TUSC3: variants seen among roughly 807,000 people sequenced by gnomAD.
TUSC3 encodes tumor suppressor candidate 3.
Under a neutral mutation model 44.8 loss-of-function variants are expected in TUSC3, and 45 were observed. That is an observed-to-expected ratio of 1.00 (90% CI 0.79 to 1.29). The LOEUF (loss-of-function observed/expected upper bound fraction) is 1.29. TUSC3 is among the 50% of genes most tolerant of loss of function. The pLI is 0.00. For missense variants in TUSC3, 519 were observed against 437.9 expected (o/e 1.19, Z -1.65); for synonymous variants, 212 against 152.9 (o/e 1.39, Z -2.85).
chr8:15,655,480 G>A (rs1807116498), intron 3 of TUSC3, among the ~76,000 whole-genome samples: 2 of 152,238 alleles, frequency 1.3e-5, no homozygotes, highest in South Asian at 4.1e-4. Flanking sequence ...AGGGGGAAGA[G>A]ACAAACCCTG....
chr8:15,578,952 C>A (rs1209005268), intron 1 of TUSC3, among the ~76,000 whole-genome samples: 2 of 152,122 alleles, frequency 1.3e-5, no homozygotes, highest in East Asian at 3.9e-4. Context: ...GTCCTGGACT[C>A]TTTTTGGCTG....
intron 1 of TUSC3, among the ~76,000 whole-genome samples, chr8:15,447,264 C>T (rs534969104): frequency 5.3e-5 from 8 of 152,174 alleles, no homozygotes; most frequent in African/African-American, 1.7e-4. Flanking sequence ...AGAAGTCAGT[C>T]GAGCAAGATC....
At chr8:15,591,594 G>A (rs1160149352) in intron 1 of TUSC3, among the ~76,000 whole-genome samples, 1 of 152,200 alleles carries the variant, frequency 6.6e-6, no homozygotes, top group African/African-American at 2.4e-5. Flanking sequence ...ATAAAGTGCT[G>A]TTAAAGGAAA....
intron 2 of TUSC3, among the ~76,000 whole-genome samples, chr8:15,524,081 G>C (rs1233569043): frequency 6.7e-6 from 1 of 150,000 alleles, no homozygotes; most frequent in African/African-American, 2.5e-5. Flanking sequence ...ATAGAAATCA[G>C]AATGTGTTTG....
rs373453234 is a variant in TUSC3 at position 15,576,636 on chromosome 8, C to T, written c.138+36068C>T. ...TTCATCCATGTCCCTACAAAGGACA[C>T]GAACTCATCATTTTTTATGGCTGCA... On this transcript the variant is annotated intron_variant, in intron 1 of 10. Transcript: ENST00000503731. 7.9e-3 allele frequency among the ~76,000 whole-genome samples: 1,109 copies of T among 140,282 alleles called. 8 individuals carry two copies. Among genetic ancestry groups the T allele is most frequent in the African/African-American group, 0.03 (1,031 of 34,590 alleles). 92.0% of individuals were successfully genotyped at this position (140,282 alleles called of 152,430 possible).
the TUSC3 span, among the ~76,000 whole-genome samples, chr8:15,834,842 T>A: frequency 6.6e-6 from 1 of 152,178 alleles, no homozygotes; most frequent in Non-Finnish European, 1.5e-5. Flanking sequence ...ACAGTAAGGT[T>A]TATTTATAAG....
the TUSC3 span, among the ~76,000 whole-genome samples, chr8:15,790,959 G>C: frequency 6.6e-6 from 1 of 152,044 alleles, no homozygotes; most frequent in South Asian, 2.1e-4. Flanking sequence ...AGAGAGGCAT[G>C]GTTCAATTTG....
intron 1 of TUSC3, among the ~76,000 whole-genome samples, chr8:15,422,486 T>G (rs1056250164): frequency 3.9e-5 from 6 of 152,312 alleles, no homozygotes; most frequent in African/African-American, 1.4e-4. Flanking sequence ...AGTTAGAAGA[T>G]ATAAGTTCAA....
intron 6 of TUSC3, among the ~76,000 whole-genome samples, chr8:15,693,414 T>A (rs1287144699): frequency 1.3e-5 from 2 of 149,346 alleles, no homozygotes; most frequent in African/African-American, 4.9e-5. Flanking sequence ...TGAAGTTGGC[T>A]GGATATAAAA....
At chr8:15,496,756 C>T (rs75723994) in intron 2 of TUSC3, among the ~76,000 whole-genome samples, 2,681 of 152,222 alleles carry the variant, frequency 0.018, 86 homozygotes, top group African/African-American at 0.061. Context: ...AGAGCTGGGT[C>T]GTTTTAGCAC....
intron 1 of TUSC3, among the ~76,000 whole-genome samples, chr8:15,472,207 T>C (rs1563259992): frequency 1.3e-5 from 2 of 152,336 alleles, no homozygotes; most frequent in East Asian, 1.9e-4. Context: ...CTTAACTTAA[T>C]GCCTAAAACT....
At chr8:15,809,986 T>C in the TUSC3 span, among the ~76,000 whole-genome samples, 1 of 152,244 alleles carries the variant, frequency 6.6e-6, no homozygotes, top group South Asian at 2.1e-4. Flanking sequence ...TCCAGTTAAA[T>C]AGTTCTGAGA....
At chr8:15,537,834 G>C (rs939517820), upstream of TUSC3, among the ~76,000 whole-genome samples, 1 of 152,122 alleles carries the variant, frequency 6.6e-6, no homozygotes, top group Non-Finnish European at 1.5e-5. Context: ...ATTATGTTGA[G>C]TATATCTAGA....
chr8:15,843,593 CATAT>C, the TUSC3 span, among the ~76,000 whole-genome samples: 21 of 91,110 alleles, frequency 2.3e-4, no homozygotes, highest in South Asian at 1.6e-3. Context: ...ACTTGATGTA[CATAT>C]ATATATATAT....
intron 1 of TUSC3, among the ~76,000 whole-genome samples, chr8:15,598,112 AAGC>A (rs1414080822): frequency 6.6e-6 from 1 of 151,980 alleles, no homozygotes; most frequent in Non-Finnish European, 1.5e-5. Flanking sequence ...ATCTGGTTGA[AAGC>A]AGAGTTTGCA....
intron 5 of TUSC3, among the ~76,000 whole-genome samples, chr8:15,664,869 A>G (rs567993326): frequency 4.6e-5 from 7 of 150,926 alleles, no homozygotes; most frequent in African/African-American, 1.7e-4. Context: ...ATATATAAAT[A>G]TATAAATTGG....
intron 1 of TUSC3, among the ~76,000 whole-genome samples, chr8:15,591,465 A>G (rs976000767): frequency 2.0e-5 from 3 of 152,222 alleles, no homozygotes; most frequent in Non-Finnish European, 2.9e-5. Flanking sequence ...GGCAATGTAC[A>G]AAACTCTGGA....
At chr8:15,761,697 G>A (rs1334022218) in intron 10 of TUSC3, among the ~76,000 whole-genome samples, 1 of 152,132 alleles carries the variant, frequency 6.6e-6, no homozygotes, top group Non-Finnish European at 1.5e-5. Flanking sequence ...GGTACCCAAG[G>A]CTGCTTCTCA....
chr8:15,684,904 G>C (rs1470564481), intron 6 of TUSC3, among the ~76,000 whole-genome samples: 1 of 152,132 alleles, frequency 6.6e-6, no homozygotes, highest in African/African-American at 2.4e-5. Context: ...TGTGCTGTGG[G>C]CACACTTCTG....
Sources: gnomAD v4.1 joint callset for allele counts (sites outside exome capture counted in the v4.1 genomes callset) on GRCh38, gnomAD v4.1.1 for gene constraint, MANE v1.5 for transcripts, NCBI Gene and HGNC (gene_info 2026-07-23, HGNC 2026-07-21) for gene names.